The following CACNA2D4 variants were observed in gnomAD, a reference collection of about 807,000 sequenced individuals.
CACNA2D4 encodes the protein voltage-dependent calcium channel subunit alpha-2/delta-4.
CACNA2D4 carries 157 observed loss-of-function variants against 163.8 expected under a neutral mutation model. The observed-to-expected ratio is 0.96, with a 90% CI of 0.84 to 1.09. The LOEUF (loss-of-function observed/expected upper bound fraction) is 1.09, where lower values mean the gene tolerates loss of function less well. Among genes scored for constraint, CACNA2D4 ranks in the 50% least tolerant of loss-of-function variants. The pLI, the probability that CACNA2D4 is intolerant of heterozygous loss-of-function variation, is 0.00. For synonymous variants in CACNA2D4, 598 were observed against 586.9 expected (o/e 1.02, Z -0.27); for missense variants, 1,410 against 1,479.9 (o/e 0.95, Z 0.78).
At chr12:1,800,176 C>T (rs1325712975) in intron 32 of CACNA2D4, 124 bp from the exon 33 acceptor site, 2 of 1,059,400 alleles carry the variant, frequency 1.9e-6, no homozygotes, top group African/African-American at 3.1e-5. Flanking sequence ...CTCTTCCCTG[C>T]TTGAGGGCTC....
At chr12:1,871,485 G>A (rs1164836585) in intron 18 of CACNA2D4, among the ~76,000 whole-genome samples, 1 of 151,418 alleles carries the variant, frequency 6.6e-6, no homozygotes, top group African/African-American at 2.4e-5. Flanking sequence ...GCTAGTGTGT[G>A]CATATGTACA....
At chr12:1,837,363 C>A (rs1425943049) in intron 26 of CACNA2D4, among the ~76,000 whole-genome samples, 1 of 152,114 alleles carries the variant, frequency 6.6e-6, no homozygotes, top group African/African-American at 2.4e-5. Flanking sequence ...ATGCTCTGGG[C>A]CTGCAGGGTG....
chr12:1,830,187 T>C (rs998486354), intron 26 of CACNA2D4, among the ~76,000 whole-genome samples: 1 of 152,212 alleles, frequency 6.6e-6, no homozygotes, highest in Non-Finnish European at 1.5e-5. Context: ...GTGGAATGTG[T>C]CCTGGGCCCC....
At chr12:1,880,380 C>T (rs967771346) in intron 13 of CACNA2D4, among the ~76,000 whole-genome samples, 2 of 152,246 alleles carry the variant, frequency 1.3e-5, no homozygotes, top group Non-Finnish European at 2.9e-5. Context: ...AAAGGCAGGC[C>T]GTGGTGCAGC....
chr12:1,839,347 G>A (rs952721879), intron 26 of CACNA2D4, among the ~76,000 whole-genome samples: 2 of 152,252 alleles, frequency 1.3e-5, no homozygotes, highest in Admixed American at 6.5e-5. Flanking sequence ...GGTAAGGAGC[G>A]CTTCATCGCA....
chr12:1,862,650 C>T (rs950911788), intron 18 of CACNA2D4, among the ~76,000 whole-genome samples: 5 of 152,122 alleles, frequency 3.3e-5, no homozygotes, highest in Admixed American at 2.6e-4. Context: ...TGGCCTCAAG[C>T]GACCTGCTTA....
chr12:1,818,245 C>T lies in CACNA2D4; in HGVS notation c.2552-6522G>A, dbSNP rs914344600. On this transcript the variant is annotated intron_variant, in intron 26 of 37. Transcript: ENST00000382722. ...CTGGGAAGTGAGGAGCCCCTCTGCC[C>T]GGCCACCACCCAGTCTGGGAGGTGT... Among the ~76,000 whole-genome samples the T allele has an allele frequency of 7.9e-5, 12 of 151,656 alleles. No homozygotes were observed. The East Asian group carries it at 1.4e-3, about 17-fold the overall frequency.
At chr12:1,909,999 G>A (rs774879652) in intron 3 of CACNA2D4, 34 bp from the exon 4 acceptor site, 1 of 1,589,094 alleles carries the variant, frequency 6.3e-7, no homozygotes. Context: ...AGGGAGAATG[G>A]GTAAAAGGAG....
At chr12:1,863,388 A>G (rs368261699) in intron 18 of CACNA2D4, among the ~76,000 whole-genome samples, 3 of 152,232 alleles carry the variant, frequency 2.0e-5, no homozygotes, top group East Asian at 3.8e-4. Flanking sequence ...CTTCTATTTC[A>G]AGATAATTTT....
At chr12:1,864,667 G>A (rs1477733732) in intron 18 of CACNA2D4, among the ~76,000 whole-genome samples, 1 of 152,180 alleles carries the variant, frequency 6.6e-6, no homozygotes, top group African/African-American at 2.4e-5. Flanking sequence ...ATGGGGATCG[G>A]CGTGTTGTTC....
At chr12:1,881,950 C>T (rs1014444982) in intron 13 of CACNA2D4, among the ~76,000 whole-genome samples, 2 of 152,266 alleles carry the variant, frequency 1.3e-5, no homozygotes, top group African/African-American at 4.8e-5. Flanking sequence ...TGCCTCGTTG[C>T]ATTCCCAGCC....
rs1444902437 is a variant in CACNA2D4 at position 1,907,914 on chromosome 12, T to C, written c.610A>G (p.Ile204Val). ...HFSNLPVNTSISSVQLPTNVY... is the reference protein window; with the variant it reads ...HFSNLPVNTSVSSVQLPTNVY... ...TTGGTGGGCAGCTGCACGCTGCTGA[T>C]GGAGGTGTTCACCGGCAGGTTGCTG... Residue 204 changes from isoleucine to valine, a missense_variant, in exon 5 of 38, where the codon ATC becomes GTC. Transcript: ENST00000382722. 1.2e-5 allele frequency: 20 copies of C among 1,614,070 alleles called. No individual in the cohort carries two copies. The highest frequency in any genetic ancestry group is 1.5e-5 in the Non-Finnish European group (18 of 1,179,898).
chr12:1,877,414 GC>G (rs1342867202), intron 16 of CACNA2D4, among the ~76,000 whole-genome samples: 1 of 152,204 alleles, frequency 6.6e-6, no homozygotes, highest in Non-Finnish European at 1.5e-5. Flanking sequence ...GCCCAGCAGA[GC>G]CTGATTTGGA....
At position 1,909,973 on chromosome 12, in the gene CACNA2D4, A is replaced by T. The variant is rs549486897; in HGVS notation, c.427-8T>A. On this transcript the variant is annotated splice_region_variant and splice_polypyrimidine_tract_variant and intron_variant, in intron 3 of 37. Transcript: ENST00000382722. The stretch of plus-strand genomic sequence containing the variant: ...GGCAGCTTCCACCAGATTCTGAGGG[A>T]TGGGAACACAGAGGTAGGGAGAATG... The T allele has an allele frequency of 6.2e-7, 1 of 1,613,068 alleles. No homozygotes were observed. Among genetic ancestry groups the T allele is most frequent in the African/African-American group, 1.3e-5 (1 of 75,020 alleles).
intron 29 of CACNA2D4, among the ~76,000 whole-genome samples, chr12:1,805,356 C>T (rs1320047471): frequency 3.3e-5 from 5 of 152,146 alleles, no homozygotes; most frequent in Non-Finnish European, 7.4e-5. Flanking sequence ...GAGGCTGTGC[C>T]CAGAGAGAAG....
rs199995290 is a variant in CACNA2D4, at chr12:1,815,262, TC to T, written c.2552-3540del. 5.1e-3 allele frequency among the ~76,000 whole-genome samples: 738 copies of T among 144,408 alleles called. 66 individuals carry two copies. Among genetic ancestry groups the T allele is most frequent in the African/African-American group, 0.021 (706 of 34,184 alleles). 94.7% of individuals were successfully genotyped at this position (144,408 alleles called of 152,430 possible). On this transcript the variant is annotated intron_variant, in intron 26 of 37. Transcript: ENST00000382722. The stretch of plus-strand genomic sequence containing the variant: ...GGCTCTGCTGATTTCTCTGATTTCA[TC>T]CAGAAACACTTCACCTCTCAAACAT...
intron 26 of CACNA2D4, 112 bp downstream of exon 26, chr12:1,840,627 C>G: frequency 1.3e-6 from 1 of 797,660 alleles, no homozygotes; most frequent in Non-Finnish European, 2.1e-6. Context: ...CACATTCCAC[C>G]GGCAGGACTG....
intron 6 of CACNA2D4, among the ~76,000 whole-genome samples, chr12:1,891,251 AG>A (rs1866274336): frequency 6.6e-6 from 1 of 152,234 alleles, no homozygotes; most frequent in Admixed American, 6.5e-5. Context: ...CCTTGTCCCC[AG>A]AAAAACTTCA....
chr12:1,826,611 G>A (rs1864339288), intron 26 of CACNA2D4, among the ~76,000 whole-genome samples: 1 of 152,212 alleles, frequency 6.6e-6, no homozygotes, highest in Non-Finnish European at 1.5e-5. Flanking sequence ...AACGCCTGCG[G>A]GGCCTTCGGC....
Sources: gnomAD v4.1 joint callset for allele counts (sites outside exome capture counted in the v4.1 genomes callset) on GRCh38, gnomAD v4.1.1 for gene constraint, MANE v1.5 for transcripts, NCBI Gene and HGNC (gene_info 2026-07-23, HGNC 2026-07-21) for gene names.